MKRN1: variants seen among roughly 807,000 people sequenced by gnomAD.
MKRN1 encodes makorin ring finger protein 1.
MKRN1 carries 9 observed loss-of-function variants against 55.5 expected under a neutral mutation model. The observed-to-expected ratio is 0.16, with a 90% CI of 0.10 to 0.28. The LOEUF is 0.28. Among genes scored for constraint, MKRN1 ranks in the 10% least tolerant of loss-of-function variants. The pLI is 1.00. For synonymous variants in MKRN1, 253 were observed against 235.9 expected (o/e 1.07, Z -0.66); for missense variants, 488 against 626.7 (o/e 0.78, Z 2.36).
In MKRN1 at chr7:140,455,177, T is replaced by G. The variant is rs370316104; in HGVS notation, c.1154A>C (p.Asn385Thr). ...EGRGSCPFGG[N>T]CFYKHAYPDG... ...AGGGTACGCATGCTTGTAAAAACAG[T>G]TCCCTCCAAATGGGCAGCTCCCACG... Residue 385 changes from asparagine (N) to threonine (T), a missense_variant, in exon 7 of 8, where the codon AAC (asparagine) becomes ACC (threonine). Asn to Thr is a moderately conservative substitution (Grantham distance 65, BLOSUM62 0). Coordinates refer to ENST00000255977, the MANE Select transcript of MKRN1 (RefSeq NM_013446.4). 3.5e-5 allele frequency: 57 copies of G among 1,613,936 alleles called. No individual in the cohort carries two copies. The highest frequency in any genetic ancestry group is 4.4e-5 in the Non-Finnish European group (52 of 1,180,030).
intron 4 of MKRN1, among the ~76,000 whole-genome samples, 188 bp downstream of exon 4, chr7:140,458,818 GT>G (rs1451325331): frequency 6.6e-6 from 1 of 152,090 alleles, no homozygotes; most frequent in Non-Finnish European, 1.5e-5. Context: ...TCCATGCCCA[GT>G]TAATTTTGTT....
chr7:140,454,181 C>G lies in MKRN1; in HGVS notation c.*336G>C, dbSNP rs551281749. The G allele has an allele frequency of 3.1e-6, 1 of 321,156 alleles. No homozygotes were observed. The highest frequency in any genetic ancestry group is 6.1e-6 in the Non-Finnish European group (1 of 165,064). The allele number at this position is 321,156 out of a possible 1,614,324, so 19.9% of individuals were successfully genotyped here. ...CAGGGCCACTGCTTTTACTTTTGAA[C>G]CTGGGGTCCTCAAAATGAGTGTGTG... On this transcript the variant is annotated 3_prime_UTR_variant, in exon 8 of 8. Transcript: ENST00000255977.
At chr7:140,455,924 A>G in intron 5 of MKRN1, 24 bp from the exon 6 acceptor site, 1 of 1,580,752 alleles carries the variant, frequency 6.3e-7, no homozygotes, top group East Asian at 2.2e-5. Context: ...AACAGGCTGC[A>G]ATGCAAATTC....
intron 1 of MKRN1, 193 bp downstream of exon 1, chr7:140,478,967 A>C: frequency 3.2e-6 from 2 of 620,402 alleles, no homozygotes; most frequent in Non-Finnish European, 4.5e-6. Context: ...TCCGCGGCCC[A>C]GCGGGGGTTG....
At chr7:140,459,346 C>T in intron 3 of MKRN1, 113 bp from the exon 4 acceptor site, 1 of 1,028,560 alleles carries the variant, frequency 9.7e-7, no homozygotes, top group South Asian at 1.5e-5. Context: ...AATACCAAAA[C>T]AGTCTACTGA....
At chr7:140,466,614 C>T (rs1270004538) in intron 2 of MKRN1, among the ~76,000 whole-genome samples, 4 of 150,836 alleles carry the variant, frequency 2.7e-5, no homozygotes, top group Admixed American at 6.6e-5. Context: ...ACCATCCTGG[C>T]TAACAAGGTG....
intron 1 of MKRN1, chr7:140,478,932 G>T: frequency 2.5e-6 from 1 of 407,132 alleles, no homozygotes; most frequent in Non-Finnish European, 4.0e-6. Flanking sequence ...CGCACCGCCA[G>T]GCCTCCGCGG....
rs977849614 is a variant in MKRN1 at position 140,479,461 on chromosome 7, C to T, written c.-117G>A. On this transcript the variant is annotated 5_prime_UTR_variant, in exon 1 of 8. Coordinates refer to ENST00000255977, the MANE Select transcript of MKRN1 (RefSeq NM_013446.4). ...GGGGAGGGGAAGGACACTGAGGCAC[C>T]CGTTCGGTCCCCGCCTGCTACGCGT... The T allele has an allele frequency of 5.0e-5, 53 of 1,060,932 alleles. No homozygotes were observed. Among genetic ancestry groups the T allele is most frequent in the Admixed American group, 1.7e-4 (4 of 23,374 alleles). The allele number at this position is 1,060,932 out of a possible 1,614,324, so 65.7% of individuals were successfully genotyped here. A position where few individuals can be genotyped will look rare whatever the true frequency, so the allele number is the denominator to read the frequency against.
intron 1 of MKRN1, among the ~76,000 whole-genome samples, chr7:140,477,045 TAG>T (rs1414005553): frequency 7.2e-6 from 1 of 138,832 alleles, no homozygotes. Flanking sequence ...TTGTGGTAAG[TAG>T]AGATCACACC....
intron 4 of MKRN1, among the ~76,000 whole-genome samples, chr7:140,457,851 T>C (rs182904409): frequency 9.7e-4 from 148 of 152,326 alleles, no homozygotes; most frequent in African/African-American, 3.2e-3. Flanking sequence ...AATATATAGA[T>C]ATAACGTATA....
In MKRN1 at chr7:140,453,184, T is replaced by C. The variant is rs1163330034; in HGVS notation, c.*1333A>G. 4 of 152,696 alleles carry C rather than the reference T, an allele frequency of 2.6e-5. No individual in the cohort carries two copies. Among genetic ancestry groups the C allele is most frequent in the South Asian group, 2.1e-4 (1 of 4,828 alleles). 9.5% of individuals were successfully genotyped at this position (152,696 alleles called of 1,614,324 possible). ...GGTGGGATCCAAGGAATCAAAGCAGTAGATGGACAAACCAGGAGCATCCCC... is the reference window on the plus strand; with the variant it reads ...GGTGGGATCCAAGGAATCAAAGCAGCAGATGGACAAACCAGGAGCATCCCC... On this transcript the variant is annotated 3_prime_UTR_variant, in exon 8 of 8. Transcript: ENST00000255977.
At chr7:140,466,773 C>T (rs956003627) in intron 2 of MKRN1, among the ~76,000 whole-genome samples, 4 of 148,144 alleles carry the variant, frequency 2.7e-5, no homozygotes, top group Non-Finnish European at 4.4e-5. Flanking sequence ...CACTGCAGTC[C>T]GCCGTCCGGC....
chr7:140,466,667 G>C (rs532572528), intron 2 of MKRN1, among the ~76,000 whole-genome samples: 14 of 152,008 alleles, frequency 9.2e-5, no homozygotes, highest in African/African-American at 2.4e-4. Context: ...AGCCGGGCGC[G>C]GTGGCGGGCG....
chr7:140,458,110 T>C (rs374034700), intron 4 of MKRN1, among the ~76,000 whole-genome samples: 2 of 152,206 alleles, frequency 1.3e-5, no homozygotes, highest in Admixed American at 6.6e-5. Context: ...TGGAAAAGTA[T>C]GGCAGTTCAT....
At chr7:140,462,075 T>C (rs986223161) in intron 2 of MKRN1, among the ~76,000 whole-genome samples, 14 of 152,244 alleles carry the variant, frequency 9.2e-5, no homozygotes, top group Non-Finnish European at 1.9e-4. Context: ...TCTCCTAGGC[T>C]GGAGTGCAGT....
chr7:140,479,119 C>A (rs969277812), intron 1 of MKRN1, 41 bp downstream of exon 1: 2 of 1,294,354 alleles, frequency 1.5e-6, no homozygotes, highest in Non-Finnish European at 2.0e-6. Context: ...TGGCCCGCGG[C>A]CCCCTCCCCG....
intron 1 of MKRN1, chr7:140,473,136 C>G: frequency 2.6e-6 from 1 of 388,238 alleles, no homozygotes; most frequent in Non-Finnish European, 4.9e-6. Context: ...AAGATATAGT[C>G]TACGTCAAAG....
At chr7:140,475,297 C>T (rs1242939816) in intron 1 of MKRN1, 2 of 410,892 alleles carry the variant, frequency 4.9e-6, no homozygotes, top group Non-Finnish European at 4.9e-6. Flanking sequence ...GAGCCGAGAT[C>T]GTGCCACTGC....
intron 1 of MKRN1, chr7:140,478,953 G>A (rs1372463920): frequency 3.9e-6 from 2 of 518,762 alleles, no homozygotes; most frequent in Admixed American, 9.5e-5. Context: ...ACAGCGCTGA[G>A]GGCTCCGCGG....
Sources: gnomAD v4.1 joint callset for allele counts (sites outside exome capture counted in the v4.1 genomes callset) on GRCh38, gnomAD v4.1.1 for gene constraint, MANE v1.5 for transcripts, NCBI Gene and HGNC (gene_info 2026-07-23, HGNC 2026-07-21) for gene names.